Variants in BMAL1 observed in about 807,000 individuals in gnomAD.
The protein encoded by BMAL1 is basic helix-loop-helix ARNT-like protein 1.
the BMAL1 span, among the ~76,000 whole-genome samples, chr11:13,342,649 C>A: frequency 6.6e-6 from 1 of 152,102 alleles, no homozygotes; most frequent in Non-Finnish European, 1.5e-5. Flanking sequence ...CTGATTTTTT[C>A]CCCCGAATAA....
At chr11:13,310,057 T>C in the BMAL1 span, 1 of 152,750 alleles carries the variant, frequency 6.5e-6, no homozygotes, top group South Asian at 2.1e-4. Context: ...TGGGCCTTCA[T>C]TGGTAAGTTT....
chr11:13,350,530 A>G, the BMAL1 span, among the ~76,000 whole-genome samples: 1 of 152,246 alleles, frequency 6.6e-6, no homozygotes, highest in African/African-American at 2.4e-5. Flanking sequence ...TTGTAAAAAC[A>G]GTATAGTACT....
At chr11:13,358,078 C>T in the BMAL1 span, among the ~76,000 whole-genome samples, 1 of 152,178 alleles carries the variant, frequency 6.6e-6, no homozygotes, top group Non-Finnish European at 1.5e-5. Context: ...TGCTATGAAG[C>T]CACCACCTCC....
chr11:13,327,837 A>G, the BMAL1 span, among the ~76,000 whole-genome samples: 1 of 147,322 alleles, frequency 6.8e-6, no homozygotes, highest in East Asian at 2.0e-4. Context: ...TCTCAAAAAA[A>G]TAAACGACAA....
At chr11:13,283,757 A>G in the BMAL1 span, among the ~76,000 whole-genome samples, 57 of 152,094 alleles carry the variant, frequency 3.7e-4, no homozygotes, top group African/African-American at 1.2e-3. Context: ...GCGGACCTGG[A>G]TGCTACCTGA....
At chr11:13,291,406 A>G in the BMAL1 span, among the ~76,000 whole-genome samples, 1 of 152,174 alleles carries the variant, frequency 6.6e-6, no homozygotes, top group Non-Finnish European at 1.5e-5. Flanking sequence ...GAGGGGAGCT[A>G]GCAATCTGAT....
At chr11:13,277,381 T>C in the BMAL1 span, among the ~76,000 whole-genome samples, 5 of 151,956 alleles carry the variant, frequency 3.3e-5, no homozygotes, top group Non-Finnish European at 4.4e-5. Context: ...GGCACCGCAG[T>C]GGCCGCGGCT....
the BMAL1 span, among the ~76,000 whole-genome samples, chr11:13,324,640 A>G: frequency 1.3e-5 from 2 of 152,158 alleles, no homozygotes; most frequent in Admixed American, 6.5e-5. Context: ...CTTCTTATTT[A>G]GTGTTTGTCT....
At chr11:13,319,738 T>C in the BMAL1 span, among the ~76,000 whole-genome samples, 1 of 152,346 alleles carries the variant, frequency 6.6e-6, no homozygotes, top group East Asian at 1.9e-4. Flanking sequence ...TTTGGAAGAA[T>C]TACAGCCAAA....
the BMAL1 span, among the ~76,000 whole-genome samples, chr11:13,364,218 C>G: frequency 6.6e-6 from 1 of 152,206 alleles, no homozygotes; most frequent in Non-Finnish European, 1.5e-5. Flanking sequence ...AGTTACTTCC[C>G]CCTCACTGTC....
the BMAL1 span, among the ~76,000 whole-genome samples, chr11:13,297,677 C>T: frequency 6.6e-6 from 1 of 152,186 alleles, no homozygotes; most frequent in Non-Finnish European, 1.5e-5. Context: ...TGTGCTAGGC[C>T]CTGCCAAGCT....
At chr11:13,313,139 C>T in the BMAL1 span, among the ~76,000 whole-genome samples, 1 of 152,240 alleles carries the variant, frequency 6.6e-6, no homozygotes, top group Admixed American at 6.5e-5. Flanking sequence ...GCTGACTGCT[C>T]CCTGCAGCGA....
the BMAL1 span, among the ~76,000 whole-genome samples, chr11:13,353,677 G>A: frequency 6.6e-6 from 1 of 152,060 alleles, no homozygotes; most frequent in African/African-American, 2.4e-5. Context: ...TATTAGCCAG[G>A]TGTGGTGGTG....
the BMAL1 span, among the ~76,000 whole-genome samples, chr11:13,386,333 T>A: frequency 6.7e-6 from 1 of 150,114 alleles, no homozygotes; most frequent in African/African-American, 2.5e-5. Flanking sequence ...CGCTTTGTAC[T>A]TATTTCTAAA....
At chr11:13,356,240 G>C in the BMAL1 span, 1 of 457,064 alleles carries the variant, frequency 2.2e-6, no homozygotes, top group Non-Finnish European at 4.4e-6. Context: ...CTGGGGCTCT[G>C]CTCAGTACTT....
chr11:13,345,686 A>T, the BMAL1 span, among the ~76,000 whole-genome samples: 1 of 152,190 alleles, frequency 6.6e-6, no homozygotes, highest in South Asian at 2.1e-4. Context: ...TAGCTGTGTC[A>T]TTTTAAGTAA....
the BMAL1 span, among the ~76,000 whole-genome samples, chr11:13,284,184 ATATATATATG>A: frequency 2.1e-4 from 15 of 72,626 alleles, 1 homozygote; most frequent in Non-Finnish European, 3.2e-4. Context: ...ATATGTGTAT[ATATATATATG>A]TGTGTATATA....
chr11:13,360,508 C>T, the BMAL1 span: 1 of 1,254,538 alleles, frequency 8.0e-7, no homozygotes, highest in Non-Finnish European at 1.1e-6. Flanking sequence ...TTTGATGTTT[C>T]AACACTGAGC....
At chr11:13,286,623 A>G in the BMAL1 span, among the ~76,000 whole-genome samples, 2 of 152,162 alleles carry the variant, frequency 1.3e-5, no homozygotes, top group African/African-American at 4.8e-5. Context: ...GCAATGAGGA[A>G]CTCAAGCAGT....
Sources: allele counts gnomAD v4.1 joint callset (sites outside exome capture counted in the v4.1 genomes callset), GRCh38; gene constraint gnomAD v4.1.1; transcripts MANE v1.5; gene names NCBI Gene and HGNC (gene_info 2026-07-23, HGNC 2026-07-21).